The following TTC29 variants were observed in gnomAD, a reference collection of about 807,000 sequenced individuals.
TTC29 encodes tetratricopeptide repeat domain 29, also known as tetratricopeptide repeat protein 29.
In TTC29, 49 loss-of-function variants were observed where a neutral mutation model predicts 58.1. The ratio of observed to expected loss-of-function variants is 0.84; its 90% confidence interval spans 0.67 to 1.07. The LOEUF (loss-of-function observed/expected upper bound fraction) is 1.07, where lower values mean the gene tolerates loss of function less well. TTC29 is among the 50% of genes least tolerant of loss of function. TTC29 has a pLI of 0.00. For missense variants in TTC29, 582 were observed against 555.6 expected, an observed-to-expected ratio of 1.05 and a Z score of -0.48; for synonymous variants, 209 against 196.8, an observed-to-expected ratio of 1.06 and a Z score of -0.52.
At chr4:146,721,717 T>C (rs1743371133) in intron 11 of TTC29, among the ~76,000 whole-genome samples, 1 of 152,140 alleles carries the variant, frequency 6.6e-6, no homozygotes, top group Non-Finnish European at 1.5e-5. Context: ...GCTGTGGGTT[T>C]GAAACGCCAG....
chr4:146,880,329 T>C (rs1194653983), intron 6 of TTC29, among the ~76,000 whole-genome samples: 2 of 152,104 alleles, frequency 1.3e-5, no homozygotes, highest in African/African-American at 4.8e-5. Flanking sequence ...TGGCATGCAT[T>C]TATAGTTTTT....
chr4:146,894,842 T>C (rs931519945), intron 6 of TTC29, among the ~76,000 whole-genome samples: 1 of 152,060 alleles, frequency 6.6e-6, no homozygotes, highest in Non-Finnish European at 1.5e-5. Context: ...GTTCTTTTTT[T>C]CCCCCAACTT....
At chr4:146,896,628 T>C (rs796651725) in intron 6 of TTC29, among the ~76,000 whole-genome samples, 4 of 152,340 alleles carry the variant, frequency 2.6e-5, no homozygotes, top group African/African-American at 9.6e-5. Context: ...CATTTGATTA[T>C]TGTCTCATTT....
intron 7 of TTC29, among the ~76,000 whole-genome samples, chr4:146,873,681 A>C (rs1731078285): frequency 6.6e-6 from 1 of 152,192 alleles, no homozygotes; most frequent in South Asian, 2.1e-4. Flanking sequence ...AAGGTACTAG[A>C]CCATTTATTC....
intron 6 of TTC29, among the ~76,000 whole-genome samples, chr4:146,882,195 A>T (rs1178740948): frequency 6.6e-6 from 1 of 152,248 alleles, no homozygotes; most frequent in Non-Finnish European, 1.5e-5. Flanking sequence ...GTTGCTGCTT[A>T]TGATTTTAGA....
In TTC29 at chr4:146,939,803, C is replaced by G; in HGVS notation, c.92+1G>C. On this transcript the variant is annotated splice_donor_variant, in intron 3 of 12. Coordinates refer to ENST00000325106, the MANE Select transcript of TTC29 (RefSeq NM_031956.4). LOFTEE classifies it high-confidence loss of function. ...AATAAGTAAAAACCAGGGGCACGTACCTTGGAATTTTTCTGGAGGAGCAAG... is the reference window on the plus strand; with the variant it reads ...AATAAGTAAAAACCAGGGGCACGTAGCTTGGAATTTTTCTGGAGGAGCAAG... 2 of 1,610,892 alleles carry G rather than the reference C, an allele frequency of 1.2e-6. No homozygotes were observed. Among genetic ancestry groups the G allele is most frequent in the Non-Finnish European group, 1.7e-6 (2 of 1,178,880 alleles).
chr4:146,898,871 ACCTCTCCAGTCTAGC>A (rs1261689862), intron 6 of TTC29, among the ~76,000 whole-genome samples: 2 of 152,096 alleles, frequency 1.3e-5, no homozygotes, highest in African/African-American at 4.8e-5. Context: ...TCCAAGACTG[ACCTCTCCAGTCTAGC>A]CCCTCACAAA....
chr4:146,770,085 C>T (rs999191391), intron 11 of TTC29, among the ~76,000 whole-genome samples: 2 of 151,912 alleles, frequency 1.3e-5, no homozygotes, highest in African/African-American at 4.8e-5. Context: ...GTTCTCAACA[C>T]TAGTTGTTCC....
intron 9 of TTC29, among the ~76,000 whole-genome samples, chr4:146,825,829 T>C (rs1019142887): frequency 6.6e-6 from 1 of 152,228 alleles, no homozygotes; most frequent in Non-Finnish European, 1.5e-5. Context: ...GTCCTTCTTG[T>C]TGAATTGTTC....
intron 8 of TTC29, among the ~76,000 whole-genome samples, chr4:146,860,793 C>T (rs1376263859): frequency 6.6e-6 from 1 of 152,110 alleles, no homozygotes; most frequent in East Asian, 1.9e-4. Context: ...TTTTGTATTA[C>T]TTATTTGCAT....
At chr4:146,904,227 TGATA>T (rs779549886) in intron 5 of TTC29, among the ~76,000 whole-genome samples, 76 of 152,312 alleles carry the variant, frequency 5.0e-4, no homozygotes, top group Admixed American at 1.6e-3. Flanking sequence ...GTCACGGGCC[TGATA>T]GATACAACAA....
chr4:146,891,587 G>T (rs146507047), intron 6 of TTC29, among the ~76,000 whole-genome samples: 1 of 152,308 alleles, frequency 6.6e-6, no homozygotes, highest in Non-Finnish European at 1.5e-5. Context: ...ACGCTGGGCA[G>T]CTGGGAGATA....
chr4:146,785,982 T>C (rs1748981542), intron 11 of TTC29, among the ~76,000 whole-genome samples: 1 of 137,246 alleles, frequency 7.3e-6, no homozygotes, highest in Admixed American at 8.1e-5. Flanking sequence ...AGTATATATG[T>C]GTACACACAC....
intron 11 of TTC29, among the ~76,000 whole-genome samples, chr4:146,748,255 C>T (rs1404714631): frequency 1.3e-5 from 2 of 152,194 alleles, no homozygotes; most frequent in Admixed American, 6.5e-5. Flanking sequence ...CAGCTAACAT[C>T]CCATCCCAGG....
At chr4:146,861,862 C>A (rs1183695691) in intron 8 of TTC29, among the ~76,000 whole-genome samples, 1 of 151,762 alleles carries the variant, frequency 6.6e-6, no homozygotes, top group African/African-American at 2.4e-5. Context: ...GAAGTTGAAT[C>A]CAGAGGCAAG....
chr4:146,820,760 C>T lies in TTC29; in HGVS notation c.978-512G>A, dbSNP rs553903615. Among the ~76,000 whole-genome samples, 9 of 152,208 alleles carry T rather than the reference C, an allele frequency of 5.9e-5. No homozygotes were observed. In the South Asian group the frequency reaches 8.3e-4, roughly 14 times the overall value. On this transcript the variant is annotated intron_variant, in intron 9 of 12. Transcript: ENST00000325106. ...AAAAAAGAATGAGGTAGGCTGGGCA[C>T]GGTGGCTCATGCCTGTAATCCCAGC... is the stretch of plus-strand genomic sequence containing the variant.
At chr4:146,721,006 G>C (rs1229957052) in intron 11 of TTC29, among the ~76,000 whole-genome samples, 10 of 152,088 alleles carry the variant, frequency 6.6e-5, no homozygotes, top group South Asian at 2.1e-4. Context: ...GTACATGGCT[G>C]AGGAGGGGCA....
chr4:146,773,409 T>C (rs1747870669), intron 11 of TTC29, among the ~76,000 whole-genome samples: 1 of 152,156 alleles, frequency 6.6e-6, no homozygotes, highest in Non-Finnish European at 1.5e-5. Flanking sequence ...CCCAGTTTGT[T>C]GAGGGTTTTA....
chr4:146,725,115 G>T (rs973569809), intron 11 of TTC29, among the ~76,000 whole-genome samples: 5 of 152,034 alleles, frequency 3.3e-5, no homozygotes, highest in Non-Finnish European at 7.4e-5. Flanking sequence ...ATTGCACTGT[G>T]GTAGGGACAA....
Sources: allele counts gnomAD v4.1 joint callset (sites outside exome capture counted in the v4.1 genomes callset), GRCh38; gene constraint gnomAD v4.1.1; transcripts MANE v1.5; gene names NCBI Gene and HGNC (gene_info 2026-07-23, HGNC 2026-07-21).